PSEN1: variants seen among roughly 807,000 people sequenced by gnomAD.
PSEN1 encodes presenilin 1.
PSEN1 carries 15 observed loss-of-function variants against 53.5 expected under a neutral mutation model. The ratio of observed to expected loss-of-function variants is 0.28; its 90% CI spans 0.19 to 0.43. The LOEUF is 0.43. PSEN1 is among the 20% of genes least tolerant of loss of function. The pLI is 1.00. For synonymous variants in PSEN1, 208 were observed against 209.8 expected, an observed-to-expected ratio of 0.99 and a Z score of 0.08; for missense variants, 387 against 571.2, an observed-to-expected ratio of 0.68 and a Z score of 3.29.
intron 4 of PSEN1, among the ~76,000 whole-genome samples, chr14:73,171,807 A>G (rs1438595978): frequency 2.0e-5 from 3 of 152,210 alleles, no homozygotes; most frequent in Admixed American, 6.5e-5. Flanking sequence ...CAAAGAATTG[A>G]ACATACTGGC....
At chr14:73,137,018 C>G (rs909682916) in intron 1 of PSEN1, 1 of 154,842 alleles carries the variant, frequency 6.5e-6, no homozygotes, top group African/African-American at 2.4e-5. Flanking sequence ...GTCCGCACGC[C>G]TCTTGTTCGA....
At chr14:73,210,448 C>T (rs1293297677) in intron 9 of PSEN1, among the ~76,000 whole-genome samples, 1 of 152,098 alleles carries the variant, frequency 6.6e-6, no homozygotes, top group Non-Finnish European at 1.5e-5. Flanking sequence ...TTTATCTTCT[C>T]TATAGGAGGT....
intron 9 of PSEN1, 58 bp downstream of exon 9, chr14:73,206,530 C>T: frequency 1.7e-6 from 2 of 1,163,946 alleles, no homozygotes; most frequent in Non-Finnish European, 1.3e-6. Context: ...TATAAGCTAA[C>T]AGTATAGCAA....
chr14:73,153,123 T>C (rs760229806), intron 3 of PSEN1, among the ~76,000 whole-genome samples: 5 of 152,232 alleles, frequency 3.3e-5, no homozygotes, highest in Non-Finnish European at 5.9e-5. Context: ...ATAAATGAAA[T>C]GGGTGATCTA....
chr14:73,209,396 C>A (rs1205147598), intron 9 of PSEN1, among the ~76,000 whole-genome samples: 3 of 152,216 alleles, frequency 2.0e-5, no homozygotes, highest in Non-Finnish European at 4.4e-5. Flanking sequence ...ACAAGCCTGG[C>A]TCTTGTGTTA....
intron 3 of PSEN1, among the ~76,000 whole-genome samples, chr14:73,158,708 C>A (rs570864982): frequency 6.6e-6 from 1 of 152,246 alleles, no homozygotes; most frequent in African/African-American, 2.4e-5. Context: ...GTGATCCTCC[C>A]GCCTTGGCTT....
At chr14:73,155,613 C>T (rs964701639) in intron 3 of PSEN1, among the ~76,000 whole-genome samples, 1 of 152,012 alleles carries the variant, frequency 6.6e-6, no homozygotes, top group Non-Finnish European at 1.5e-5. Context: ...AAGTGATTCT[C>T]CCATCTCAGC....
At chr14:73,217,295 G>T in intron 11 of PSEN1, 51 bp downstream of exon 11, 1 of 1,602,660 alleles carries the variant, frequency 6.2e-7, no homozygotes. Flanking sequence ...TCAAAACTTT[G>T]ATTACACAGT....
At chr14:73,199,151 TG>T (rs1566646135) in intron 8 of PSEN1, among the ~76,000 whole-genome samples, 1 of 152,222 alleles carries the variant, frequency 6.6e-6, no homozygotes, top group African/African-American at 2.4e-5. Context: ...ACAGTACCTG[TG>T]GGTCACTAGG....
At position 73,219,325 on chromosome 14, in the gene PSEN1, T is replaced by C; in HGVS notation, c.*36T>C. ...GTTAGAATCCCATGGATGTTTCTTC[T>C]TTGACTATAACAAAATCTGGGGAGG... On this transcript the variant is annotated 3_prime_UTR_variant, in exon 12 of 12. Transcript: ENST00000324501. 1 of 1,590,594 alleles carries C rather than the reference T, an allele frequency of 6.3e-7. No individual in the cohort carries two copies. Among genetic ancestry groups the C allele is most frequent in the Non-Finnish European group, 8.6e-7 (1 of 1,159,940 alleles).
intron 10 of PSEN1, among the ~76,000 whole-genome samples, chr14:73,216,175 TA>T (rs1263984845): frequency 1.3e-5 from 2 of 152,118 alleles, no homozygotes; most frequent in African/African-American, 4.8e-5. Context: ...TTATATTAAG[TA>T]AAATAGGCGA....
intron 7 of PSEN1, among the ~76,000 whole-genome samples, chr14:73,193,872 G>A (rs577050496): frequency 1.3e-5 from 2 of 152,194 alleles, no homozygotes; most frequent in African/African-American, 4.8e-5. Context: ...GCCTAGGCTG[G>A]TCTTGAACTC....
chr14:73,145,067 A>G (rs1270413901), intron 1 of PSEN1, among the ~76,000 whole-genome samples: 2 of 151,996 alleles, frequency 1.3e-5, no homozygotes, highest in Admixed American at 6.6e-5. Flanking sequence ...TAATTTTTGT[A>G]TATTTAGTAT....
chr14:73,178,454 C>T (rs1454008812), intron 5 of PSEN1, among the ~76,000 whole-genome samples: 1 of 152,122 alleles, frequency 6.6e-6, no homozygotes. Flanking sequence ...TCCCAAAGTG[C>T]TGGGATTACA....
chr14:73,144,186 G>A (rs558115853), intron 1 of PSEN1, among the ~76,000 whole-genome samples: 1 of 151,684 alleles, frequency 6.6e-6, no homozygotes, highest in African/African-American at 2.4e-5. Flanking sequence ...GACTACAGGT[G>A]CACGTCACCA....
At chr14:73,205,054 G>A (rs1360970333) in intron 8 of PSEN1, among the ~76,000 whole-genome samples, 2 of 152,150 alleles carry the variant, frequency 1.3e-5, no homozygotes. Flanking sequence ...ATAACAAGGT[G>A]GTCGTTCAGC....
intron 10 of PSEN1, among the ~76,000 whole-genome samples, chr14:73,214,746 C>G (rs1422613383): frequency 6.6e-6 from 1 of 151,958 alleles, no homozygotes; most frequent in East Asian, 1.9e-4. Context: ...TCAGAGTAGT[C>G]AGAAAGTAGA....
chr14:73,217,094 A>G (rs781538426), intron 10 of PSEN1, 32 bp from the exon 11 acceptor site: 7 of 1,612,814 alleles, frequency 4.3e-6, no homozygotes, highest in African/African-American at 1.3e-5. Flanking sequence ...AGAGTGACCA[A>G]CTTTTTAATA....
intron 3 of PSEN1, among the ~76,000 whole-genome samples, chr14:73,159,067 A>G: frequency 6.6e-6 from 1 of 152,202 alleles, no homozygotes; most frequent in East Asian, 1.9e-4. Flanking sequence ...AATGGATTTT[A>G]AGAATTATTT....
Sources: allele counts gnomAD v4.1 joint callset (sites outside exome capture counted in the v4.1 genomes callset), GRCh38; gene constraint gnomAD v4.1.1; transcripts MANE v1.5; gene names NCBI Gene and HGNC (gene_info 2026-07-23, HGNC 2026-07-21).